The following ADGRL2 variants were observed in gnomAD, a reference collection of about 807,000 sequenced individuals.
The protein encoded by ADGRL2 is calcium-independent alpha-latrotoxin receptor 2.
A neutral mutation model predicts 157.4 loss-of-function variants in ADGRL2; 44 were observed. The ratio of observed to expected loss-of-function variants is 0.28; its 90% CI spans 0.22 to 0.36. ADGRL2 has a LOEUF of 0.36. Among genes scored for constraint, ADGRL2 ranks in the 10% least tolerant of loss-of-function variants. The pLI is 1.00. For synonymous variants in ADGRL2, 585 were observed against 624.7 expected (o/e 0.94, Z 0.95); for missense variants, 1,510 against 1,768.9 (o/e 0.85, Z 2.63).
At chr1:81,492,495 TAAAAA>T (rs796409780) in intron 2 of ADGRL2, among the ~76,000 whole-genome samples, 3 of 152,098 alleles carry the variant, frequency 2.0e-5, no homozygotes, top group African/African-American at 7.2e-5. Context: ...AGAAATGTAA[TAAAAA>T]AGAAATGCTT....
At chr1:81,780,729 T>C (rs2086778585) in intron 2 of ADGRL2, among the ~76,000 whole-genome samples, 1 of 152,202 alleles carries the variant, frequency 6.6e-6, no homozygotes, top group Non-Finnish European at 1.5e-5. Flanking sequence ...ATTGTAATGA[T>C]TTTAATGATT....
intron 2 of ADGRL2, among the ~76,000 whole-genome samples, chr1:81,494,120 C>T (rs1057320698): frequency 4.6e-5 from 7 of 152,134 alleles, no homozygotes; most frequent in African/African-American, 1.4e-4. Context: ...CCAAGTTTTG[C>T]AAACTCTCTT....
intron 1 of ADGRL2, among the ~76,000 whole-genome samples, chr1:81,358,328 C>T (rs2075905738): frequency 6.6e-6 from 1 of 152,126 alleles, no homozygotes; most frequent in Non-Finnish European, 1.5e-5. Context: ...GTGACCTCGG[C>T]TCTCTTGGAA....
chr1:81,936,769 A>G lies in ADGRL2; in HGVS notation c.329A>G (p.Asp110Gly), dbSNP rs772947622. ...CAGTGTATAGTAGTTACTGGGTCAG[A>G]TGTGTTTCCTGATCCATGTCCTGGA... Reference protein sequence around the residue: ...RTQCIVVTGSDVFPDPCPGTY... With the variant: ...RTQCIVVTGSGVFPDPCPGTY... The change falls in exon 4 of 24, where the codon GAT (aspartate) becomes GGT (glycine). Residue 110 changes from aspartate to glycine, a missense_variant. This residue lies in a region of ADGRL2 where 361 missense variants were observed against 498.4 expected (regional missense o/e 0.72). Coordinates refer to ENST00000686636, the MANE Select transcript of ADGRL2 (RefSeq NM_001366006.2). 1.2e-6 allele frequency: 2 copies of G among 1,612,116 alleles called. No homozygotes were observed. The highest frequency in any genetic ancestry group is 1.7e-6 in the Non-Finnish European group (2 of 1,178,596).
intron 1 of ADGRL2, among the ~76,000 whole-genome samples, chr1:81,747,048 A>ATAT (rs1201236354): frequency 1.4e-5 from 2 of 147,204 alleles, no homozygotes; most frequent in Non-Finnish European, 3.0e-5. Flanking sequence ...ATATATGTAT[A>ATAT]TACGTATATA....
At chr1:81,551,572 T>C (rs866715540) in intron 2 of ADGRL2, among the ~76,000 whole-genome samples, 6 of 152,240 alleles carry the variant, frequency 3.9e-5, no homozygotes, top group African/African-American at 1.4e-4. Flanking sequence ...TCTTCCATTT[T>C]AGTAAAACTA....
chr1:81,427,301 G>A (rs1288013125), intron 1 of ADGRL2: 14 of 723,984 alleles, frequency 1.9e-5, no homozygotes, highest in Admixed American at 5.4e-5. Flanking sequence ...TAGAGGCGAT[G>A]GTGGCAACTA....
At chr1:81,928,327 C>G (rs1464911937) in intron 3 of ADGRL2, among the ~76,000 whole-genome samples, 1 of 152,084 alleles carries the variant, frequency 6.6e-6, no homozygotes, top group East Asian at 1.9e-4. Flanking sequence ...CTCTGAGAAT[C>G]AGGTACGGCT....
chr1:81,986,976 T>A lies in ADGRL2; in HGVS notation c.3584T>A (p.Leu1195His). 8 of 1,611,758 alleles carry A rather than the reference T, an allele frequency of 5.0e-6. No individual in the cohort carries two copies. Among genetic ancestry groups the A allele is most frequent in the Non-Finnish European group, 6.8e-6 (8 of 1,179,266 alleles). The change falls in exon 22 of 24, where the codon CTC becomes CAC. Residue 1195 changes from leucine (L) to histidine (H), a missense_variant. Leu to His is a moderately conservative substitution (Grantham distance 99, BLOSUM62 -3). Coordinates refer to ENST00000686636, the MANE Select transcript of ADGRL2 (RefSeq NM_001366006.2). ...ACTAACAACCCCTATAACACATTGC[T>A]CGCTGAAACAGTTGTATGTAATGCC... ...HGTNNPYNTL[L>H]AETVVCNAPS...
At chr1:81,387,691 G>T (rs963187743) in intron 1 of ADGRL2, among the ~76,000 whole-genome samples, 3 of 151,952 alleles carry the variant, frequency 2.0e-5, no homozygotes, top group Non-Finnish European at 2.9e-5. Flanking sequence ...CTGTGGTTTC[G>T]GCTGTCTGCA....
intron 3 of ADGRL2, among the ~76,000 whole-genome samples, chr1:81,602,577 G>C (rs1019207956): frequency 6.6e-6 from 1 of 151,382 alleles, no homozygotes; most frequent in African/African-American, 2.4e-5. Flanking sequence ...GGGCAACAGA[G>C]CAAGACTCAG....
chr1:81,817,586 T>C (rs2090540233), intron 1 of ADGRL2, among the ~76,000 whole-genome samples: 1 of 152,158 alleles, frequency 6.6e-6, no homozygotes, highest in South Asian at 2.1e-4. Flanking sequence ...TTTGGTTGTT[T>C]AGCTGAAAGG....
intron 2 of ADGRL2, among the ~76,000 whole-genome samples, chr1:81,873,376 TTAG>T (rs2093748200): frequency 6.6e-6 from 1 of 152,108 alleles, no homozygotes; most frequent in South Asian, 2.1e-4. Context: ...TGAATATAGT[TTAG>T]TTACAATACT....
chr1:81,349,181 C>A lies in ADGRL2; in HGVS notation c.-302+42672C>A, dbSNP rs201981191. Among the ~76,000 whole-genome samples, 8 of 152,124 alleles carry A rather than the reference C, an allele frequency of 5.3e-5. No individual in the cohort carries two copies. The East Asian group carries it at 1.5e-3, about 29-fold the overall frequency. ...AGGCTTAAATCAATGCAAGCAAAGC[C>A]ATTAAACCGTGTTGGGGATATTGGC... is the stretch of plus-strand genomic sequence containing the variant. On this transcript the variant is annotated intron_variant, in intron 1 of 24. Transcript: ENST00000370721.
At chr1:81,716,962 A>G (rs980657387) in intron 1 of ADGRL2, among the ~76,000 whole-genome samples, 2 of 152,198 alleles carry the variant, frequency 1.3e-5, no homozygotes, top group East Asian at 3.8e-4. Flanking sequence ...GGGAATAATA[A>G]CAGACTTATT....
intron 2 of ADGRL2, among the ~76,000 whole-genome samples, chr1:81,555,422 C>A (rs926886832): frequency 6.6e-6 from 1 of 151,944 alleles, no homozygotes; most frequent in African/African-American, 2.4e-5. Context: ...GCACCCGCCA[C>A]CATATCTGGC....
At chr1:81,672,973 G>A (rs2082905951) in intron 3 of ADGRL2, among the ~76,000 whole-genome samples, 1 of 152,180 alleles carries the variant, frequency 6.6e-6, no homozygotes, top group South Asian at 2.1e-4. Flanking sequence ...TGGAGCAATT[G>A]TGACTGTGTA....
intron 3 of ADGRL2, among the ~76,000 whole-genome samples, chr1:81,600,665 G>T (rs1217638916): frequency 1.3e-5 from 2 of 152,146 alleles, no homozygotes; most frequent in Non-Finnish European, 2.9e-5. Flanking sequence ...TGAATGACTT[G>T]CCCTAGTTCA....
At chr1:81,986,765 C>A in intron 21 of ADGRL2, 136 bp from the exon 22 acceptor site, 1 of 786,110 alleles carries the variant, frequency 1.3e-6, no homozygotes, top group East Asian at 2.7e-5. Flanking sequence ...CAGAACATTT[C>A]AACAGATTTT....
Sources: allele counts gnomAD v4.1 joint callset (sites outside exome capture counted in the v4.1 genomes callset), GRCh38; gene constraint gnomAD v4.1.1; regional missense constraint gnomAD v4.1.1; transcripts MANE v1.5; gene names NCBI Gene and HGNC (gene_info 2026-07-23, HGNC 2026-07-21).